PEBP4: variants seen among roughly 807,000 people sequenced by gnomAD.
PEBP4 encodes the protein phosphatidylethanolamine binding protein 4.
A neutral mutation model predicts 23.9 loss-of-function variants in PEBP4; 22 were observed. The ratio of observed to expected loss-of-function variants is 0.92; its 90% CI spans 0.66 to 1.31. PEBP4 has a LOEUF of 1.31. Among genes scored for constraint, PEBP4 ranks in the 40% most tolerant of loss-of-function variants. The pLI is 0.00. For missense variants in PEBP4, 324 were observed against 281.7 expected (o/e 1.15, Z -1.07); for synonymous variants, 112 against 99.3 (o/e 1.13, Z -0.76).
At chr8:22,871,874 C>A (rs1307452310) in intron 3 of PEBP4, among the ~76,000 whole-genome samples, 1 of 152,048 alleles carries the variant, frequency 6.6e-6, no homozygotes, top group African/African-American at 2.4e-5. Context: ...TTTTAGTGCA[C>A]CTGTCACCCA....
At chr8:22,796,375 T>C (rs186641083) in intron 4 of PEBP4, among the ~76,000 whole-genome samples, 17 of 152,250 alleles carry the variant, frequency 1.1e-4, no homozygotes, top group Admixed American at 5.2e-4. Context: ...TAGAGCCCCA[T>C]ACAGTGCCCA....
intron 3 of PEBP4, among the ~76,000 whole-genome samples, chr8:22,893,976 C>G (rs1808545842): frequency 6.6e-6 from 1 of 152,100 alleles, no homozygotes; most frequent in Non-Finnish European, 1.5e-5. Context: ...ATGCCAAGCA[C>G]AAGACACATG....
At chr8:22,728,615 T>TG (rs1221359153) in intron 4 of PEBP4, among the ~76,000 whole-genome samples, 1 of 117,680 alleles carries the variant, frequency 8.5e-6, no homozygotes, top group Non-Finnish European at 1.6e-5. Flanking sequence ...TTCCTTCCCT[T>TG]TTTTTGGAGT....
At chr8:22,807,699 A>G (rs1806527230) in intron 4 of PEBP4, among the ~76,000 whole-genome samples, 1 of 151,934 alleles carries the variant, frequency 6.6e-6, no homozygotes, top group Non-Finnish European at 1.5e-5. Flanking sequence ...TGACTTTTCC[A>G]GGCCTGCTCA....
intron 3 of PEBP4, among the ~76,000 whole-genome samples, chr8:22,856,140 T>C (rs1807642949): frequency 6.8e-6 from 1 of 146,096 alleles, no homozygotes; most frequent in South Asian, 2.2e-4. Context: ...AAGGGGATAA[T>C]ATACCTAATG....
rs1055769227 is a variant in PEBP4, at chr8:22,828,789, A to G, written c.259-11054T>C. Reference sequence around the variant, plus strand: ...GCTCTTACTCTGGTGACTTTAGCAAACATGTGGAACAGCCACCCAACACCA... The same window carrying G: ...GCTCTTACTCTGGTGACTTTAGCAAGCATGTGGAACAGCCACCCAACACCA... On this transcript the variant is annotated intron_variant, in intron 3 of 6. Transcript: ENST00000256404. Among the ~76,000 whole-genome samples, 23 of 152,098 alleles carry G rather than the reference A, an allele frequency of 1.5e-4. 3 individuals are homozygous for G. Among genetic ancestry groups the G allele is most frequent in the Admixed American group, 1.4e-3 (22 of 15,276 alleles).
At chr8:22,761,267 C>A (rs973945395) in intron 4 of PEBP4, among the ~76,000 whole-genome samples, 1 of 152,028 alleles carries the variant, frequency 6.6e-6, no homozygotes, top group Non-Finnish European at 1.5e-5. Flanking sequence ...TGTGTGTGAA[C>A]CCCTCTAGCC....
intron 1 of PEBP4, among the ~76,000 whole-genome samples, chr8:22,937,301 G>A (rs1380855212): frequency 1.3e-5 from 2 of 152,208 alleles, no homozygotes; most frequent in South Asian, 4.1e-4. Context: ...CTCTAAAAAC[G>A]AAGAATTCAA....
chr8:22,777,705 C>T (rs184646661), intron 4 of PEBP4, among the ~76,000 whole-genome samples: 9 of 152,290 alleles, frequency 5.9e-5, no homozygotes, highest in African/African-American at 2.2e-4. Flanking sequence ...AATGGCAGAA[C>T]TGCTCCAAGC....
chr8:22,844,616 C>G (rs543398094), intron 3 of PEBP4, among the ~76,000 whole-genome samples: 12 of 152,300 alleles, frequency 7.9e-5, no homozygotes, highest in African/African-American at 2.9e-4. Context: ...TCTCTTTTCT[C>G]TCTCTTTTAT....
chr8:22,788,317 A>G (rs1217614333), intron 4 of PEBP4, among the ~76,000 whole-genome samples: 1 of 152,074 alleles, frequency 6.6e-6, no homozygotes, highest in Non-Finnish European at 1.5e-5. Context: ...GGGGACAAAG[A>G]AGGAGCAGGG....
intron 3 of PEBP4, among the ~76,000 whole-genome samples, chr8:22,899,459 G>A (rs1214399317): frequency 2.0e-5 from 3 of 152,230 alleles, no homozygotes; most frequent in Non-Finnish European, 2.9e-5. Context: ...CACATGAAAA[G>A]GAACCTGCTT....
chr8:22,769,108 C>G (rs1805667396), intron 4 of PEBP4, among the ~76,000 whole-genome samples: 1 of 152,210 alleles, frequency 6.6e-6, no homozygotes, highest in African/African-American at 2.4e-5. Context: ...CCTTCCCTCT[C>G]TACCCTCACG....
chr8:22,853,830 G>A (rs926750491), intron 3 of PEBP4, among the ~76,000 whole-genome samples: 1 of 152,158 alleles, frequency 6.6e-6, no homozygotes, highest in African/African-American at 2.4e-5. Flanking sequence ...CTTCCTCCAG[G>A]CCTTAGGAGG....
chr8:22,870,625 T>C (rs1386898421), intron 3 of PEBP4, among the ~76,000 whole-genome samples: 1 of 152,156 alleles, frequency 6.6e-6, no homozygotes, highest in Non-Finnish European at 1.5e-5. Flanking sequence ...TCCTCAAATG[T>C]AACAAATGCA....
intron 4 of PEBP4, among the ~76,000 whole-genome samples, chr8:22,734,780 A>G (rs1395866641): frequency 6.6e-6 from 1 of 152,122 alleles, no homozygotes; most frequent in Non-Finnish European, 1.5e-5. Flanking sequence ...AGGGAGGGGA[A>G]GGGCAGCTTA....
intron 4 of PEBP4, among the ~76,000 whole-genome samples, chr8:22,772,623 A>G (rs1284120964): frequency 6.6e-6 from 1 of 151,904 alleles, no homozygotes; most frequent in South Asian, 2.1e-4. Context: ...GGCCTCCCAA[A>G]GTAGGTATTC....
At chr8:22,787,624 A>T (rs534858777) in intron 4 of PEBP4, among the ~76,000 whole-genome samples, 1 of 152,364 alleles carries the variant, frequency 6.6e-6, no homozygotes, top group Middle Eastern at 3.4e-3. Context: ...TACGCAGTCA[A>T]CAAACACTTG....
At chr8:22,731,633 TTATTTATTTATCTATC>T (rs1036902090) in intron 4 of PEBP4, among the ~76,000 whole-genome samples, 2 of 143,194 alleles carry the variant, frequency 1.4e-5, no homozygotes, top group African/African-American at 5.8e-5. Context: ...ATTTATTTAT[TTATTTATTTATCTATC>T]TATCTATTTA....
Sources: allele counts gnomAD v4.1 joint callset (sites outside exome capture counted in the v4.1 genomes callset), GRCh38; gene constraint gnomAD v4.1.1; transcripts MANE v1.5; gene names NCBI Gene and HGNC (gene_info 2026-07-23, HGNC 2026-07-21).